The following SLC35D4 variants were observed in gnomAD, a reference collection of about 807,000 sequenced individuals.
SLC35D4 encodes the protein solute carrier family 35 member D4, also known as UDP-N-acetylglucosamine transporter SLC35D4.
chr18:23,415,801 T>C, the SLC35D4 span, among the ~76,000 whole-genome samples: 16 of 152,272 alleles, frequency 1.1e-4, no homozygotes, highest in East Asian at 3.1e-3. Context: ...CATCCAAGAC[T>C]AGGTGGCAAC....
At chr18:23,408,336 C>G in the SLC35D4 span, among the ~76,000 whole-genome samples, 1 of 152,208 alleles carries the variant, frequency 6.6e-6, no homozygotes, top group Non-Finnish European at 1.5e-5. Context: ...ATCTCCAGCA[C>G]CAAGAACAAT....
At chr18:23,295,540 C>T in the SLC35D4 span, among the ~76,000 whole-genome samples, 3 of 151,770 alleles carry the variant, frequency 2.0e-5, no homozygotes, top group Non-Finnish European at 4.4e-5. Context: ...ACAACAACAA[C>T]AAAAGTAAGT....
chr18:23,349,345 T>C, the SLC35D4 span, among the ~76,000 whole-genome samples: 2 of 152,296 alleles, frequency 1.3e-5, no homozygotes, highest in South Asian at 4.1e-4. Context: ...AAAAAACCTG[T>C]TTTTTGGCCA....
the SLC35D4 span, among the ~76,000 whole-genome samples, chr18:23,276,977 G>A: frequency 1.3e-5 from 2 of 152,218 alleles, 1 homozygote; most frequent in South Asian, 4.1e-4. Flanking sequence ...CTAGTGCCAT[G>A]ATAATGCTGC....
chr18:23,290,504 G>A, the SLC35D4 span, among the ~76,000 whole-genome samples: 1 of 152,256 alleles, frequency 6.6e-6, no homozygotes, highest in Admixed American at 6.5e-5. Context: ...ATGCTAAGTG[G>A]GTGTGTGTGA....
chr18:23,435,807 T>C, the SLC35D4 span, among the ~76,000 whole-genome samples: 4 of 152,206 alleles, frequency 2.6e-5, no homozygotes, highest in Middle Eastern at 3.2e-3. Context: ...GAGATTCTCA[T>C]GCCTCAGCCT....
the SLC35D4 span, among the ~76,000 whole-genome samples, chr18:23,435,488 A>G: frequency 2.0e-5 from 3 of 152,154 alleles, no homozygotes; most frequent in Non-Finnish European, 4.4e-5. Context: ...AGGTGCTACA[A>G]AAAACAAACA....
At chr18:23,345,721 A>C in the SLC35D4 span, among the ~76,000 whole-genome samples, 1 of 145,396 alleles carries the variant, frequency 6.9e-6, no homozygotes, top group African/African-American at 2.6e-5. Context: ...AATTTCTACC[A>C]AAAAAAAAAG....
the SLC35D4 span, among the ~76,000 whole-genome samples, chr18:23,418,309 GT>G: frequency 6.7e-6 from 1 of 150,222 alleles, no homozygotes; most frequent in Non-Finnish European, 1.5e-5. Flanking sequence ...CTTAATACTA[GT>G]TTTTTGCTCT....
At chr18:23,435,457 C>A in the SLC35D4 span, among the ~76,000 whole-genome samples, 3 of 152,156 alleles carry the variant, frequency 2.0e-5, no homozygotes, top group African/African-American at 7.2e-5. Flanking sequence ...AGAGATTTCA[C>A]AAATTCACAA....
chr18:23,243,079 A>G, the SLC35D4 span, among the ~76,000 whole-genome samples: 2 of 150,924 alleles, frequency 1.3e-5, no homozygotes, highest in African/African-American at 4.8e-5. Context: ...TATAATTTAT[A>G]TAGAATATAG....
chr18:23,416,759 G>T, the SLC35D4 span, among the ~76,000 whole-genome samples: 2 of 152,210 alleles, frequency 1.3e-5, 1 homozygote. Context: ...GTGGAGTTTA[G>T]CTAGGAGCTG....
At chr18:23,380,645 C>T in the SLC35D4 span, among the ~76,000 whole-genome samples, 1 of 152,188 alleles carries the variant, frequency 6.6e-6, no homozygotes, top group African/African-American at 2.4e-5. Context: ...ACATGTTTGA[C>T]ATTTCATAGG....
chr18:23,270,501 GC>G, the SLC35D4 span, among the ~76,000 whole-genome samples: 1 of 152,186 alleles, frequency 6.6e-6, no homozygotes, highest in Admixed American at 6.5e-5. Flanking sequence ...TGAGAAGAGG[GC>G]CACCATCTTC....
the SLC35D4 span, among the ~76,000 whole-genome samples, chr18:23,343,763 C>T: frequency 1.3e-5 from 2 of 152,116 alleles, no homozygotes; most frequent in African/African-American, 4.8e-5. Flanking sequence ...ACTTTCTTTG[C>T]ATCCTTGTGT....
At chr18:23,430,626 C>G in the SLC35D4 span, 1 of 1,607,804 alleles carries the variant, frequency 6.2e-7, no homozygotes, top group South Asian at 1.1e-5. Flanking sequence ...AAAGAAGATA[C>G]TCACCCTTGG....
chr18:23,347,446 ACAGGGTCTCACTCTGTCACC>A, the SLC35D4 span, among the ~76,000 whole-genome samples: 1 of 151,944 alleles, frequency 6.6e-6, no homozygotes, highest in Non-Finnish European at 1.5e-5. Flanking sequence ...TCTCTCTGAG[ACAGGGTCTCACTCTGTCACC>A]CAGGCTGGAG....
At chr18:23,248,415 G>A in the SLC35D4 span, among the ~76,000 whole-genome samples, 13 of 151,912 alleles carry the variant, frequency 8.6e-5, no homozygotes, top group South Asian at 2.1e-4. Context: ...GTGCAGGGGC[G>A]CAGGTCTGCA....
chr18:23,284,080 T>G, the SLC35D4 span, among the ~76,000 whole-genome samples: 2 of 152,206 alleles, frequency 1.3e-5, no homozygotes, highest in Non-Finnish European at 2.9e-5. Context: ...AGCATGCTAA[T>G]GTATTATAAT....
Sources: gnomAD v4.1 joint callset for allele counts (sites outside exome capture counted in the v4.1 genomes callset) on GRCh38, gnomAD v4.1.1 for gene constraint, MANE v1.5 for transcripts, NCBI Gene and HGNC (gene_info 2026-07-23, HGNC 2026-07-21) for gene names.